Variants in RTL4 observed in about 807,000 individuals in gnomAD.
RTL4 encodes retrotransposon Gag like 4, also known as retrotransposon Gag-like protein 4.
A neutral mutation model predicts 5.3 loss-of-function variants in RTL4; 4 were observed. That is an observed-to-expected ratio of 0.75 (90% confidence interval 0.37 to 1.72). The LOEUF is 1.72. RTL4 is among the 40% of genes most tolerant of loss of function. RTL4 has a pLI of 0.04. For synonymous variants in RTL4, 98 were observed against 87.3 expected (o/e 1.12, Z -0.68); for missense variants, 260 against 227.1 (o/e 1.14, Z -0.93).
At chrX:112,411,230 C>T in the RTL4 span, among the ~76,000 whole-genome samples, 260 of 111,469 alleles carry the variant, frequency 2.3e-3, no homozygotes, top group African/African-American at 7.9e-3. Flanking sequence ...TCCTAGCAAA[C>T]AGAAGCCAGG....
chrX:112,127,137 C>T, the RTL4 span, among the ~76,000 whole-genome samples: 1 of 111,547 alleles, frequency 9.0e-6, no homozygotes, highest in African/African-American at 3.3e-5. Context: ...AGACCAATAT[C>T]CTTTATGAAC....
the RTL4 span, among the ~76,000 whole-genome samples, chrX:112,310,276 C>T: frequency 1.1e-5 from 1 of 87,795 alleles, no homozygotes; most frequent in Non-Finnish European, 2.2e-5. Context: ...GCTTACTTGT[C>T]TATCTCTGCC....
chrX:112,194,364 G>A, the RTL4 span, among the ~76,000 whole-genome samples: 1 of 110,581 alleles, frequency 9.0e-6, no homozygotes, highest in Non-Finnish European at 1.9e-5. Context: ...CTCAAGATGG[G>A]AAGAATGCCC....
At chrX:112,451,856 TC>T (rs1345890182), upstream of RTL4, among the ~76,000 whole-genome samples, 1 of 111,498 alleles carries the variant, frequency 9.0e-6, no homozygotes, top group Non-Finnish European at 1.9e-5. Context: ...ATATGTGCCC[TC>T]CCCATCCCTA....
chrX:112,216,401 C>T, the RTL4 span, among the ~76,000 whole-genome samples: 191 of 111,691 alleles, frequency 1.7e-3, no homozygotes, highest in Non-Finnish European at 4.5e-4. Context: ...CCATAGAATA[C>T]GTGTATTTTA....
chrX:112,226,945 TA>T, the RTL4 span, among the ~76,000 whole-genome samples: 8 of 66,261 alleles, frequency 1.2e-4, no homozygotes, highest in South Asian at 5.9e-4. Flanking sequence ...TAAAATAAAA[TA>T]AAAATAAAAT....
chrX:112,391,492 T>C, the RTL4 span, among the ~76,000 whole-genome samples: 2 of 110,876 alleles, frequency 1.8e-5, no homozygotes, highest in African/African-American at 6.6e-5. Context: ...TGGTCTATTT[T>C]TATGAATGTT....
chrX:112,242,074 T>G, the RTL4 span, among the ~76,000 whole-genome samples: 1 of 111,969 alleles, frequency 8.9e-6, no homozygotes, highest in African/African-American at 3.2e-5. Flanking sequence ...TTGGTACCAG[T>G]ACCATGCTGT....
At chrX:112,201,424 A>G in the RTL4 span, among the ~76,000 whole-genome samples, 1 of 111,451 alleles carries the variant, frequency 9.0e-6, no homozygotes, top group Non-Finnish European at 1.9e-5. Context: ...CATCACTTAC[A>G]TCCAGTCTTA....
At chrX:112,143,071 C>T in the RTL4 span, among the ~76,000 whole-genome samples, 5 of 111,380 alleles carry the variant, frequency 4.5e-5, no homozygotes, top group Non-Finnish European at 7.5e-5. Flanking sequence ...TCAAGTGATC[C>T]GCCTGCCTCG....
chrX:112,195,113 G>A, the RTL4 span, among the ~76,000 whole-genome samples: 3 of 111,772 alleles, frequency 2.7e-5, no homozygotes, highest in Admixed American at 2.9e-4. Flanking sequence ...AAGAAAGGTT[G>A]AGGCAGAATG....
At chrX:112,434,765 T>C in the RTL4 span, among the ~76,000 whole-genome samples, 5 of 112,044 alleles carry the variant, frequency 4.5e-5, no homozygotes, top group East Asian at 8.5e-4. Context: ...ATTATTGTTA[T>C]CTTCTGGGCA....
chrX:112,451,171 G>C (rs143033528), upstream of RTL4, among the ~76,000 whole-genome samples: 1 of 111,654 alleles, frequency 9.0e-6, no homozygotes, highest in African/African-American at 3.3e-5. Flanking sequence ...AACAGCTTGC[G>C]GACCTACAAT....
At chrX:112,453,490 A>C (rs183430232), upstream of RTL4, among the ~76,000 whole-genome samples, 66 of 112,096 alleles carry the variant, frequency 5.9e-4, no homozygotes, top group African/African-American at 2.1e-3. Context: ...TAGATTCTCA[A>C]CCTTACCTCT....
the RTL4 span, among the ~76,000 whole-genome samples, chrX:112,373,570 A>G: frequency 9.1e-6 from 1 of 110,415 alleles, no homozygotes; most frequent in African/African-American, 3.3e-5. Flanking sequence ...TGCTCTCTTA[A>G]TAGTATCTTT....
chrX:112,455,624 G>A (rs751946941), exon 1 of RTL4: 46 of 1,208,080 alleles, frequency 3.8e-5, no homozygotes, highest in East Asian at 8.9e-5. Flanking sequence ...AAACGTTCTC[G>A]AGCTCCGGCA....
the RTL4 span, among the ~76,000 whole-genome samples, chrX:112,212,204 G>A: frequency 9.0e-6 from 1 of 110,954 alleles, no homozygotes; most frequent in African/African-American, 3.3e-5. Flanking sequence ...GTGAAACCCC[G>A]TGTCTACTAA....
At chrX:112,087,264 T>C in the RTL4 span, among the ~76,000 whole-genome samples, 3 of 110,143 alleles carry the variant, frequency 2.7e-5, no homozygotes, top group Non-Finnish European at 5.7e-5. Context: ...CCTCATGGAA[T>C]GATATAATCT....
the RTL4 span, among the ~76,000 whole-genome samples, chrX:112,345,102 C>T: frequency 5.4e-5 from 6 of 111,344 alleles, no homozygotes; most frequent in Non-Finnish European, 1.1e-4. Flanking sequence ...GGGACACAGT[C>T]AAACCATATC....
Sources: gnomAD v4.1 joint callset for allele counts (sites outside exome capture counted in the v4.1 genomes callset) on GRCh38, gnomAD v4.1.1 for gene constraint, MANE v1.5 for transcripts, NCBI Gene and HGNC (gene_info 2026-07-23, HGNC 2026-07-21) for gene names.